Variants in GABRA3 observed in about 807,000 individuals in gnomAD.
GABRA3 encodes gamma-aminobutyric acid type A receptor subunit alpha3.
In GABRA3, 10 loss-of-function variants were observed where a neutral mutation model predicts 30.1. The observed-to-expected ratio is 0.33, with a 90% confidence interval of 0.20 to 0.56. The LOEUF is 0.56. GABRA3 is among the 20% of genes least tolerant of loss of function. The pLI, the probability that GABRA3 is intolerant of heterozygous loss-of-function variation, is 0.89. For missense variants in GABRA3, 233 were observed against 392.0 expected, an observed-to-expected ratio of 0.59 and a Z score of 3.42; for synonymous variants, 151 against 146.8, an observed-to-expected ratio of 1.03 and a Z score of -0.21.
intron 5 of GABRA3, among the ~76,000 whole-genome samples, chrX:152,228,865 C>T (rs1355739038): frequency 9.0e-6 from 1 of 111,194 alleles, no homozygotes; most frequent in Non-Finnish European, 1.9e-5. Context: ...ATCCATTCAA[C>T]ATTTATTCAT....
At chrX:152,199,263 G>T (rs992160021) in intron 7 of GABRA3, among the ~76,000 whole-genome samples, 3 of 105,555 alleles carry the variant, frequency 2.8e-5, no homozygotes, top group Non-Finnish European at 6.0e-5. Flanking sequence ...ATACTAGGGA[G>T]GCTGAGGCAG....
At chrX:152,388,443 T>C (rs1367682985) in intron 1 of GABRA3, among the ~76,000 whole-genome samples, 6 of 111,757 alleles carry the variant, frequency 5.4e-5, no homozygotes, top group East Asian at 5.6e-4. Flanking sequence ...TAGCCAACTA[T>C]AGATTCTCAC....
chrX:152,179,689 C>T (rs377590522), intron 9 of GABRA3, among the ~76,000 whole-genome samples: 213 of 109,873 alleles, frequency 1.9e-3, no homozygotes, highest in African/African-American at 6.4e-3. Context: ...AGAGATGGGG[C>T]TTCACCATGT....
At chrX:152,434,012 A>T (rs1005884461) in intron 1 of GABRA3, among the ~76,000 whole-genome samples, 1 of 112,008 alleles carries the variant, frequency 8.9e-6, no homozygotes, top group Non-Finnish European at 1.9e-5. Context: ...TAAATATATT[A>T]AATGTATAAA....
chrX:152,199,355 A>G (rs750735971), intron 7 of GABRA3, among the ~76,000 whole-genome samples: 1 of 104,633 alleles, frequency 9.6e-6, no homozygotes, highest in South Asian at 4.4e-4. Flanking sequence ...AACAGGCGAG[A>G]CTCTGTCTCA....
At chrX:152,292,944 A>G (rs1447410865) in intron 3 of GABRA3, among the ~76,000 whole-genome samples, 5 of 111,587 alleles carry the variant, frequency 4.5e-5, no homozygotes, top group Non-Finnish European at 5.6e-5. Flanking sequence ...GTTCTTTTAC[A>G]TGTGCTGAGG....
intron 3 of GABRA3, among the ~76,000 whole-genome samples, chrX:152,290,317 A>C (rs1331528685): frequency 8.9e-6 from 1 of 112,006 alleles, no homozygotes. Context: ...TCTTCTTTTG[A>C]GAAGTGTATG....
chrX:152,166,452 G>A lies in GABRA3; in HGVS notation c.*1776C>T, dbSNP rs1380806158. 9.9e-6 allele frequency: 1 copy of A among 101,435 alleles called. No individual in the cohort carries two copies. Among genetic ancestry groups the A allele is most frequent in the African/African-American group, 3.7e-5 (1 of 27,183 alleles). The allele number at this position is 101,435 out of a possible 1,213,427, so 8.4% of individuals were successfully genotyped here. ...TACAGACACAGTCTTAGGAATAATG[G>A]GACGGGCATGCATTATCCCAGCAAT... On this transcript the variant is annotated 3_prime_UTR_variant, in exon 10 of 10. Transcript: ENST00000370314.
chrX:152,262,352 C>A (rs1259686309), intron 4 of GABRA3, among the ~76,000 whole-genome samples: 1 of 112,447 alleles, frequency 8.9e-6, no homozygotes, highest in African/African-American at 3.2e-5. Context: ...CAGAAAATGG[C>A]TTTTTCTTTT....
At chrX:152,359,064 G>T (rs1940594218) in intron 2 of GABRA3, among the ~76,000 whole-genome samples, 1 of 111,685 alleles carries the variant, frequency 9.0e-6, no homozygotes, top group Non-Finnish European at 1.9e-5. Context: ...GATGATGCTG[G>T]TTCTCACAGA....
chrX:152,348,839 G>A (rs747984105), intron 2 of GABRA3, among the ~76,000 whole-genome samples: 3 of 112,115 alleles, frequency 2.7e-5, no homozygotes, highest in South Asian at 3.7e-4. Context: ...ATCATCTGAC[G>A]CTTCAACAAG....
At chrX:152,375,769 T>C (rs149607667) in intron 1 of GABRA3, among the ~76,000 whole-genome samples, 133 of 112,358 alleles carry the variant, frequency 1.2e-3, no homozygotes, top group African/African-American at 4.0e-3. Context: ...ATCCTTCAAT[T>C]TGTCATAAAC....
intron 4 of GABRA3, among the ~76,000 whole-genome samples, chrX:152,269,408 T>C (rs2124424853): frequency 8.9e-6 from 1 of 112,164 alleles, no homozygotes; most frequent in African/African-American, 3.2e-5. Context: ...ATGACAATAT[T>C]ACACAAAGCA....
intron 9 of GABRA3, among the ~76,000 whole-genome samples, chrX:152,173,611 C>T (rs987241844): frequency 9.2e-6 from 1 of 109,249 alleles, no homozygotes; most frequent in Non-Finnish European, 1.9e-5. Flanking sequence ...CGCTGCCCCC[C>T]TCCCCAGGAT....
At chrX:152,354,390 T>C (rs1940520428) in intron 2 of GABRA3, among the ~76,000 whole-genome samples, 1 of 111,715 alleles carries the variant, frequency 9.0e-6, no homozygotes, top group Admixed American at 9.5e-5. Flanking sequence ...GAGCTTGGTA[T>C]ATAGGACTCT....
intron 7 of GABRA3, among the ~76,000 whole-genome samples, chrX:152,199,911 T>G (rs1487778546): frequency 9.0e-6 from 1 of 110,963 alleles, no homozygotes; most frequent in East Asian, 2.8e-4. Flanking sequence ...TCCAAAATAT[T>G]TCCATAATTT....
At chrX:152,171,066 A>C (rs1485948651) in intron 9 of GABRA3, among the ~76,000 whole-genome samples, 1 of 112,115 alleles carries the variant, frequency 8.9e-6, no homozygotes, top group Non-Finnish European at 1.9e-5. Context: ...GCTTGTTTGC[A>C]AACTTGCTTA....
At chrX:152,238,970 G>C in intron 5 of GABRA3, among the ~76,000 whole-genome samples, 1 of 110,750 alleles carries the variant, frequency 9.0e-6, no homozygotes, top group Non-Finnish European at 1.9e-5. Flanking sequence ...ATTTTTTGAA[G>C]GGTTTCTTGT....
At chrX:152,254,050 C>G (rs907035964) in intron 5 of GABRA3, among the ~76,000 whole-genome samples, 7 of 111,647 alleles carry the variant, frequency 6.3e-5, no homozygotes, top group African/African-American at 2.3e-4. Flanking sequence ...ATTAGTCTTT[C>G]TCCCCTATTA....
Sources: gnomAD v4.1 joint callset for allele counts (sites outside exome capture counted in the v4.1 genomes callset) on GRCh38, gnomAD v4.1.1 for gene constraint, MANE v1.5 for transcripts, NCBI Gene and HGNC (gene_info 2026-07-23, HGNC 2026-07-21) for gene names.